TTLL5: variants seen among roughly 807,000 people sequenced by gnomAD.
The protein encoded by TTLL5 is tubulin polyglutamylase TTLL5.
In TTLL5, 132 loss-of-function variants were observed where a neutral mutation model predicts 168.4. The ratio of observed to expected loss-of-function variants is 0.78; its 90% CI spans 0.68 to 0.91. TTLL5 has a LOEUF of 0.91. Ranked by LOEUF, TTLL5 falls within the 40% of genes least tolerant of loss-of-function variation. The pLI, the probability that TTLL5 is intolerant of heterozygous loss-of-function variation, is 0.00. For synonymous variants in TTLL5, 546 were observed against 558.6 expected, an observed-to-expected ratio of 0.98 and a Z score of 0.32; for missense variants, 1,545 against 1,581.5, an observed-to-expected ratio of 0.98 and a Z score of 0.39.
chr14:75,826,332 C>CACACACACAT (rs1555349336), intron 28 of TTLL5, among the ~76,000 whole-genome samples: 108 of 150,682 alleles, frequency 7.2e-4, no homozygotes, highest in African/African-American at 2.4e-3. Flanking sequence ...CACACACACA[C>CACACACACAT]GAGTCTTTGT....
intron 28 of TTLL5, among the ~76,000 whole-genome samples, chr14:75,850,509 A>G (rs1027277706): frequency 1.3e-5 from 2 of 151,080 alleles, no homozygotes; most frequent in Non-Finnish European, 3.0e-5. Flanking sequence ...TCATTGACTC[A>G]TAGTTCCCAG....
intron 20 of TTLL5, 42 bp from the exon 21 acceptor site, chr14:75,771,692 C>T (rs1891330831): frequency 1.9e-6 from 3 of 1,610,296 alleles, no homozygotes; most frequent in Non-Finnish European, 2.5e-6. Flanking sequence ...TGTAGTTTTA[C>T]ACTTCTGTCA....
chr14:75,730,257 A>AT (rs1281333445), intron 12 of TTLL5, among the ~76,000 whole-genome samples: 3 of 152,078 alleles, frequency 2.0e-5, no homozygotes, highest in Admixed American at 6.5e-5. Flanking sequence ...ATCACAGATG[A>AT]TTTTTTCTCA....
At chr14:75,726,649 G>A (rs1888200779) in intron 12 of TTLL5, among the ~76,000 whole-genome samples, 1 of 152,138 alleles carries the variant, frequency 6.6e-6, no homozygotes, top group Non-Finnish European at 1.5e-5. Flanking sequence ...CAAGAATGTA[G>A]TATGCAACAT....
intron 16 of TTLL5, 29 bp from the exon 17 acceptor site, chr14:75,745,461 G>A (rs759757426): frequency 1.2e-6 from 2 of 1,608,456 alleles, no homozygotes; most frequent in Non-Finnish European, 8.5e-7. Context: ...TTCAAAATAG[G>A]TACTCATTTT....
chr14:75,911,622 TCC>T (rs2033390473), intron 31 of TTLL5, among the ~76,000 whole-genome samples: 1 of 152,184 alleles, frequency 6.6e-6, no homozygotes, highest in African/African-American at 2.4e-5. Context: ...GTAATTTGAT[TCC>T]CAGGGAAATT....
At chr14:75,787,252 G>C (rs1892420861) in intron 26 of TTLL5, among the ~76,000 whole-genome samples, 1 of 152,032 alleles carries the variant, frequency 6.6e-6, no homozygotes, top group Non-Finnish European at 1.5e-5. Context: ...ACTATATGCT[G>C]TTTACCAGAG....
intron 31 of TTLL5, among the ~76,000 whole-genome samples, chr14:75,922,079 G>T (rs913915545): frequency 6.6e-6 from 1 of 152,152 alleles, no homozygotes; most frequent in African/African-American, 2.4e-5. Flanking sequence ...TTTGCACGTT[G>T]ATTTTGTATC....
intron 3 of TTLL5, among the ~76,000 whole-genome samples, chr14:75,672,162 A>C (rs1883799611): frequency 6.6e-6 from 1 of 152,180 alleles, no homozygotes; most frequent in African/African-American, 2.4e-5. Flanking sequence ...ACATTGACTG[A>C]CTTTTTGTGT....
chr14:75,929,796 C>T lies in TTLL5; in HGVS notation c.3824-24628C>T, dbSNP rs1160809966. Among the ~76,000 whole-genome samples, 5 of 152,246 alleles carry T rather than the reference C, an allele frequency of 3.3e-5. No homozygotes were observed. The East Asian group carries it at 9.6e-4, about 29-fold the overall frequency. The stretch of plus-strand genomic sequence containing the variant: ...CTCAGCATTTCTTAAGTTTATCTGA[C>T]CTGGAACCATTTTTCCTATAATGCT... On this transcript the variant is annotated intron_variant, in intron 31 of 31. Transcript: ENST00000298832.
At chr14:75,763,155 T>A (rs1005170825) in intron 18 of TTLL5, among the ~76,000 whole-genome samples, 4 of 152,184 alleles carry the variant, frequency 2.6e-5, no homozygotes, top group African/African-American at 9.6e-5. Flanking sequence ...TAGCCAGACA[T>A]TATTGAATAA....
chr14:75,808,786 C>T (rs373715761), intron 27 of TTLL5, among the ~76,000 whole-genome samples: 1 of 151,770 alleles, frequency 6.6e-6, no homozygotes, highest in African/African-American at 2.4e-5. Context: ...TTCTTTTTTT[C>T]TTATTTTTTA....
chr14:75,822,134 A>G (rs1044719550), intron 28 of TTLL5, among the ~76,000 whole-genome samples: 17 of 152,238 alleles, frequency 1.1e-4, no homozygotes, highest in African/African-American at 3.6e-4. Flanking sequence ...GACCTGCAGC[A>G]TACAACCTGC....
At chr14:75,780,238 T>C (rs1161741761) in intron 24 of TTLL5, among the ~76,000 whole-genome samples, 1 of 152,236 alleles carries the variant, frequency 6.6e-6, no homozygotes, top group East Asian at 1.9e-4. Context: ...CTTAACATCA[T>C]TGGCATTTTG....
intron 12 of TTLL5, chr14:75,732,063 G>C: frequency 4.3e-6 from 1 of 233,444 alleles, no homozygotes; most frequent in Non-Finnish European, 8.2e-6. Context: ...CTATTCTAGA[G>C]TCAGGTCGCT....
chr14:75,860,742 C>T (rs1455409925), intron 28 of TTLL5, among the ~76,000 whole-genome samples: 1 of 152,144 alleles, frequency 6.6e-6, no homozygotes, highest in Non-Finnish European at 1.5e-5. Flanking sequence ...GTGGCTCCCC[C>T]TTTCGTTCAC....
intron 17 of TTLL5, among the ~76,000 whole-genome samples, chr14:75,750,693 G>C (rs1889896750): frequency 6.6e-6 from 1 of 152,110 alleles, no homozygotes; most frequent in South Asian, 2.1e-4. Flanking sequence ...GGCAGGGCCA[G>C]TGCCCCTAAA....
intron 29 of TTLL5, among the ~76,000 whole-genome samples, chr14:75,879,234 A>G (rs1033579466): frequency 3.9e-5 from 6 of 152,238 alleles, no homozygotes; most frequent in Admixed American, 1.3e-4. Context: ...CAGAAGAGGA[A>G]AAGATTATTT....
chr14:75,830,646 A>T (rs1442275335), intron 28 of TTLL5, among the ~76,000 whole-genome samples: 1 of 152,146 alleles, frequency 6.6e-6, no homozygotes, highest in Non-Finnish European at 1.5e-5. Context: ...TTTTCCCATC[A>T]CCACATCCTC....
Sources: gnomAD v4.1 joint callset for allele counts (sites outside exome capture counted in the v4.1 genomes callset) on GRCh38, gnomAD v4.1.1 for gene constraint, MANE v1.5 for transcripts, NCBI Gene and HGNC (gene_info 2026-07-23, HGNC 2026-07-21) for gene names.